MTHFD1L: variants seen among roughly 807,000 people sequenced by gnomAD.
The protein encoded by MTHFD1L is methylenetetrahydrofolate dehydrogenase (NADP+ dependent) 1 like, also known as monofunctional C1-tetrahydrofolate synthase, mitochondrial.
MTHFD1L carries 81 observed loss-of-function variants against 119.5 expected under a neutral mutation model. That is an observed-to-expected ratio of 0.68 (90% CI 0.57 to 0.82). MTHFD1L has a LOEUF of 0.82. Among genes scored for constraint, MTHFD1L ranks in the 40% least tolerant of loss-of-function variants. The pLI is 0.00. For missense variants in MTHFD1L, 1,125 were observed against 1,253.4 expected (o/e 0.90, Z 1.55); for synonymous variants, 430 against 475.2 (o/e 0.90, Z 1.24).
chr6:150,922,896 G>A (rs1483480615), intron 10 of MTHFD1L, among the ~76,000 whole-genome samples: 1 of 152,078 alleles, frequency 6.6e-6, no homozygotes, highest in African/African-American at 2.4e-5. Flanking sequence ...TGCCCACCTT[G>A]GCCTCCCAAA....
At chr6:150,877,933 T>A in intron 4 of MTHFD1L, 107 bp downstream of exon 4, 1 of 1,332,396 alleles carries the variant, frequency 7.5e-7, no homozygotes, top group African/African-American at 1.5e-5. Context: ...GATTTGCTTG[T>A]GACTGAATGT....
intron 24 of MTHFD1L, among the ~76,000 whole-genome samples, chr6:151,026,623 A>G (rs1183814212): frequency 6.6e-6 from 1 of 152,080 alleles, no homozygotes; most frequent in Non-Finnish European, 1.5e-5. Flanking sequence ...ATTTAACATA[A>G]TGTTAGTTCA....
At chr6:150,925,774 T>C (rs1789859249) in intron 10 of MTHFD1L, among the ~76,000 whole-genome samples, 1 of 152,158 alleles carries the variant, frequency 6.6e-6, no homozygotes, top group African/African-American at 2.4e-5. Context: ...ATGAATACCA[T>C]GATGGCCCAT....
rs1460837097 is a variant in MTHFD1L at position 150,937,074 on chromosome 6, A to G, written c.1393+134A>G. The G allele has an allele frequency of 4.5e-6, 5 of 1,117,290 alleles. No homozygotes were observed. In the African/African-American group the frequency reaches 6.3e-5, roughly 14 times the overall value. The allele number at this position is 1,117,290 out of a possible 1,614,324, so 69.2% of individuals were successfully genotyped here. ...TACATTTCTTCACTGCACACTCAGTACATAGTGGTCGCCCCATGTTGGTTC... is the reference window on the plus strand; with the variant it reads ...TACATTTCTTCACTGCACACTCAGTGCATAGTGGTCGCCCCATGTTGGTTC... On this transcript the variant is annotated intron_variant, in intron 12 of 27. Coordinates refer to ENST00000367321, the MANE Select transcript of MTHFD1L (RefSeq NM_015440.5).
In MTHFD1L at chr6:151,039,554, T is replaced by G. The variant is rs574144098; in HGVS notation, c.2847+2437T>G. Among the ~76,000 whole-genome samples, 4 of 152,248 alleles carry G rather than the reference T, an allele frequency of 2.6e-5. No homozygotes were observed. Among genetic ancestry groups the G allele is most frequent in the African/African-American group, 9.6e-5 (4 of 41,552 alleles). ...CAGGCTCATGCCACTGTGCCAGGCCTGTGTATAATTTAATTATACCTCAGT... is the reference window on the plus strand; with the variant it reads ...CAGGCTCATGCCACTGTGCCAGGCCGGTGTATAATTTAATTATACCTCAGT... On this transcript the variant is annotated intron_variant, in intron 26 of 27. Transcript: ENST00000367321. This position sits in a 1 kb window ranked among gnomAD's most constrained non-coding sequence, Gnocchi z 4.4.
At chr6:150,888,777 T>A (rs1262410186) in intron 7 of MTHFD1L, among the ~76,000 whole-genome samples, 2 of 152,084 alleles carry the variant, frequency 1.3e-5, no homozygotes, top group East Asian at 3.9e-4. Flanking sequence ...TTACAGTAAT[T>A]AGGATAATAT....
At chr6:150,963,367 A>G (rs1392053350) in intron 18 of MTHFD1L, among the ~76,000 whole-genome samples, 1 of 152,026 alleles carries the variant, frequency 6.6e-6, no homozygotes, top group East Asian at 1.9e-4. Context: ...AAGAGTGGTT[A>G]TAAAGTATTC....
intron 26 of MTHFD1L, among the ~76,000 whole-genome samples, chr6:151,064,474 C>T (rs559560491): frequency 4.3e-4 from 66 of 152,036 alleles, no homozygotes; most frequent in African/African-American, 1.5e-3. Context: ...CCACTGCATC[C>T]GGCTAATGTT....
intron 16 of MTHFD1L, 51 bp downstream of exon 16, chr6:150,949,184 T>C (rs752558047): frequency 6.8e-7 from 1 of 1,480,070 alleles, no homozygotes; most frequent in Admixed American, 1.7e-5. Context: ...GGGAGGCGTG[T>C]TCGAGCCGAA....
At chr6:151,021,402 G>T (rs1354796261) in intron 24 of MTHFD1L, among the ~76,000 whole-genome samples, 1 of 152,102 alleles carries the variant, frequency 6.6e-6, no homozygotes, top group African/African-American at 2.4e-5. Flanking sequence ...ACAAAAACTA[G>T]ACAGGTGTGG....
intron 26 of MTHFD1L, among the ~76,000 whole-genome samples, chr6:151,071,108 G>A (rs1430056818): frequency 6.6e-6 from 1 of 152,186 alleles, no homozygotes; most frequent in Admixed American, 6.5e-5. Context: ...ATCCTACCAA[G>A]TCTAGTAGGT....
Position 151,013,802 on chromosome 6 carries a change from G to A in MTHFD1L, c.2289G>A (p.Lys763=). The change falls in exon 22 of 28, where the codon AAG becomes AAA. Residue 763 remains lysine (K), a synonymous_variant. Transcript: ENST00000367321. ...AGGTAACGGCTGGTGTTCCTCTTAA[G>A]AAAGAATATACAGAGGAGGTAAGAG... ...GPSVTAGVPL[K]KEYTEENIQL... is the part of the protein sequence containing the mutation. 6.2e-7 allele frequency: 1 copy of A among 1,612,504 alleles called. No homozygotes were observed. Among genetic ancestry groups the A allele is most frequent in the African/African-American group, 1.3e-5 (1 of 75,010 alleles).
At chr6:150,938,520 CTTT>C (rs879818404) in intron 12 of MTHFD1L, among the ~76,000 whole-genome samples, 176 bp from the exon 13 acceptor site, 5 of 151,736 alleles carry the variant, frequency 3.3e-5, no homozygotes, top group Non-Finnish European at 7.4e-5. Context: ...AAAGTGTCAA[CTTT>C]TTTTGTTGTT....
At chr6:151,054,376 T>G (rs372164241) in intron 26 of MTHFD1L, among the ~76,000 whole-genome samples, 1 of 152,168 alleles carries the variant, frequency 6.6e-6, no homozygotes, top group East Asian at 1.9e-4. Context: ...GGGGGATCTT[T>G]GCAGCATTGA....
In MTHFD1L at chr6:150,872,622, A is replaced by G. The variant is rs180912728; in HGVS notation, c.228-3468A>G. Among the ~76,000 whole-genome samples, 19 of 152,284 alleles carry G rather than the reference A, an allele frequency of 1.2e-4. No homozygotes were observed. The East Asian group carries it at 3.7e-3, about 29-fold the overall frequency. ...CAGAACAAACATACTAAAAATGAAAAAGTTTGAAATATTGTAAGAATTATC... is the reference window on the plus strand; with the variant it reads ...CAGAACAAACATACTAAAAATGAAAGAGTTTGAAATATTGTAAGAATTATC... On this transcript the variant is annotated intron_variant, in intron 1 of 27. Transcript: ENST00000367321.
rs141086498 is a variant in MTHFD1L, at chr6:150,991,150, C to G, written c.2126-18669C>G. Among the ~76,000 whole-genome samples, 133 of 152,240 alleles carry G rather than the reference C, an allele frequency of 8.7e-4. 3 individuals carry two copies. The East Asian group carries it at 0.014, about 16-fold the overall frequency. ...GGGATTACAGGCATGAGCTGCCATG[C>G]CCTGCCAAAATATAAACCATAGAGC... On this transcript the variant is annotated intron_variant, in intron 20 of 27. Coordinates refer to ENST00000367321, the MANE Select transcript of MTHFD1L (RefSeq NM_015440.5).
At chr6:151,001,749 G>A (rs1322451238) in intron 20 of MTHFD1L, among the ~76,000 whole-genome samples, 1 of 152,142 alleles carries the variant, frequency 6.6e-6, no homozygotes, top group Admixed American at 6.5e-5. Context: ...ACCAAGTCCA[G>A]GTGGAAGTGG....
intron 20 of MTHFD1L, among the ~76,000 whole-genome samples, chr6:150,988,392 A>G (rs1403199881): frequency 6.6e-6 from 1 of 152,142 alleles, no homozygotes; most frequent in Non-Finnish European, 1.5e-5. Flanking sequence ...GGATATTGCA[A>G]TTATATGAGG....
chr6:150,875,268 C>G (rs147279477), intron 1 of MTHFD1L, among the ~76,000 whole-genome samples: 12 of 152,154 alleles, frequency 7.9e-5, no homozygotes, highest in African/African-American at 2.6e-4. Context: ...AGGCTGGTCT[C>G]AAACTCCTGG....
Sources: gnomAD v4.1 joint callset for allele counts (sites outside exome capture counted in the v4.1 genomes callset) on GRCh38, gnomAD v4.1.1 for gene constraint, Gnocchi (gnomAD v3.1) non-coding constraint, MANE v1.5 for transcripts, NCBI Gene and HGNC (gene_info 2026-07-23, HGNC 2026-07-21) for gene names.